Variants in SLC8A1 observed in about 807,000 individuals in gnomAD.
SLC8A1 encodes the protein solute carrier family 8 member A1.
Under a neutral mutation model 68.3 loss-of-function variants are expected in SLC8A1, and 18 were observed. That is an observed-to-expected ratio of 0.26 (90% CI 0.18 to 0.39). The LOEUF is 0.39. Ranked by LOEUF, SLC8A1 falls within the 10% of genes least tolerant of loss-of-function variation. The pLI, the probability that SLC8A1 is intolerant of heterozygous loss-of-function variation, is 1.00. For synonymous variants in SLC8A1, 475 were observed against 415.5 expected (o/e 1.14, Z -1.74); for missense variants, 985 against 1,156.7 (o/e 0.85, Z 2.15).
chr2:40,134,329 T>C (rs1029371689), intron 7 of SLC8A1, among the ~76,000 whole-genome samples: 4 of 152,056 alleles, frequency 2.6e-5, no homozygotes, highest in African/African-American at 9.7e-5. Context: ...TGACCTCAAG[T>C]GATCTGCCTG....
chr2:40,390,195 G>T (rs1396408469), intron 2 of SLC8A1, among the ~76,000 whole-genome samples: 1 of 152,094 alleles, frequency 6.6e-6, no homozygotes, highest in Admixed American at 6.6e-5. Context: ...GAAGCTTTTA[G>T]AAGTGACAGA....
chr2:40,365,452 A>G (rs573869000), intron 2 of SLC8A1, among the ~76,000 whole-genome samples: 4 of 152,260 alleles, frequency 2.6e-5, no homozygotes, highest in Admixed American at 2.6e-4. Context: ...ACAGAGAAAT[A>G]ATTAACTGCC....
intron 2 of SLC8A1, among the ~76,000 whole-genome samples, chr2:40,247,543 T>C (rs451158): frequency 0.17 from 26,171 of 151,988 alleles, 3,032 homozygotes; most frequent in African/African-American, 0.32. Context: ...CCAGATGGTG[T>C]TACAAAAATG....
chr2:40,184,087 G>C (rs1487958843), intron 2 of SLC8A1, among the ~76,000 whole-genome samples: 1 of 152,060 alleles, frequency 6.6e-6, no homozygotes, highest in Non-Finnish European at 1.5e-5. Context: ...GAGGTGGGAG[G>C]ATGGCTTGAG....
chr2:40,492,392 T>G (rs1260748791), intron 1 of SLC8A1, among the ~76,000 whole-genome samples: 4 of 152,070 alleles, frequency 2.6e-5, no homozygotes, highest in African/African-American at 4.8e-5. Flanking sequence ...ATAAAAACCC[T>G]AGAAGAAAAC....
At chr2:40,167,934 C>T (rs898273597) in intron 4 of SLC8A1, among the ~76,000 whole-genome samples, 4 of 152,088 alleles carry the variant, frequency 2.6e-5, no homozygotes, top group Non-Finnish European at 5.9e-5. Context: ...TTGAACCATC[C>T]TTGTATCCTC....
intron 1 of SLC8A1, among the ~76,000 whole-genome samples, chr2:40,505,885 CT>C (rs1706336738): frequency 6.6e-6 from 1 of 151,910 alleles, no homozygotes; most frequent in Non-Finnish European, 1.5e-5. Context: ...AATTAATTCC[CT>C]TAGATAAATG....
chr2:40,269,078 A>T (rs1284251291), intron 2 of SLC8A1, among the ~76,000 whole-genome samples: 1 of 152,168 alleles, frequency 6.6e-6, no homozygotes, highest in Non-Finnish European at 1.5e-5. Flanking sequence ...GACCTGAGAG[A>T]GTCAGATAAT....
chr2:40,224,248 C>T (rs1320721603), intron 2 of SLC8A1, among the ~76,000 whole-genome samples: 1 of 152,006 alleles, frequency 6.6e-6, no homozygotes, highest in East Asian at 1.9e-4. Flanking sequence ...GGTTGGCATC[C>T]TGGGGAGGTC....
chr2:40,177,728 G>C lies in SLC8A1; in HGVS notation c.1912+24C>G, dbSNP rs150380165. 1.7e-5 allele frequency: 23 copies of C among 1,386,198 alleles called. No homozygotes were observed. In the East Asian group the frequency reaches 4.0e-4, roughly 24 times the overall value. 85.9% of individuals were successfully genotyped at this position (1,386,198 alleles called of 1,614,324 possible). On this transcript the variant is annotated intron_variant, in intron 3 of 7. Transcript: ENST00000406785. ...GAGAGAAGAGTACAATTTCTCGCTG[G>C]TATGTCTTTGTTTACTCTCACACCT...
At chr2:40,370,085 G>C (rs957100565) in intron 2 of SLC8A1, among the ~76,000 whole-genome samples, 3 of 152,074 alleles carry the variant, frequency 2.0e-5, no homozygotes, top group Non-Finnish European at 2.9e-5. Context: ...CATTTTAATA[G>C]CTTCACATGT....
At chr2:40,493,717 C>T (rs1424232884) in intron 1 of SLC8A1, among the ~76,000 whole-genome samples, 10 of 148,664 alleles carry the variant, frequency 6.7e-5, no homozygotes, top group Non-Finnish European at 1.2e-4. Flanking sequence ...TGCAGTGGCA[C>T]GATCTCAACT....
chr2:40,421,363 T>G (rs778197430), intron 2 of SLC8A1, among the ~76,000 whole-genome samples: 7 of 152,142 alleles, frequency 4.6e-5, no homozygotes, highest in Non-Finnish European at 8.8e-5. Context: ...TTTCCAAGTT[T>G]AGCGATCCTC....
intron 2 of SLC8A1, among the ~76,000 whole-genome samples, chr2:40,399,065 T>C (rs1687880357): frequency 2.6e-5 from 4 of 152,214 alleles, no homozygotes; most frequent in Admixed American, 2.6e-4. Context: ...CAGAGATTCA[T>C]CAGTCAGGAG....
At chr2:40,348,037 A>C (rs543954295) in intron 2 of SLC8A1, among the ~76,000 whole-genome samples, 1 of 152,296 alleles carries the variant, frequency 6.6e-6, no homozygotes, top group Non-Finnish European at 1.5e-5. Flanking sequence ...TTATTTACTG[A>C]AGGAAGGAGG....
At chr2:40,432,432 A>G (rs78566485) in intron 1 of SLC8A1, among the ~76,000 whole-genome samples, 1 of 57,784 alleles carries the variant, frequency 1.7e-5, no homozygotes, top group Non-Finnish European at 3.6e-5. Flanking sequence ...TGTATGTGTC[A>G]GTGTGTATAC....
intron 2 of SLC8A1, among the ~76,000 whole-genome samples, chr2:40,350,746 C>T (rs1038584372): frequency 6.6e-6 from 1 of 151,910 alleles, no homozygotes; most frequent in Non-Finnish European, 1.5e-5. Context: ...ACAAAAACTG[C>T]CTGGCACGTC....
At chr2:40,233,073 C>T (rs944765913) in intron 2 of SLC8A1, among the ~76,000 whole-genome samples, 3 of 152,064 alleles carry the variant, frequency 2.0e-5, no homozygotes, top group African/African-American at 7.2e-5. Flanking sequence ...GTGCATGTGT[C>T]TTTATAGCAG....
chr2:40,405,263 T>C (rs935819727), intron 2 of SLC8A1, among the ~76,000 whole-genome samples: 1 of 152,188 alleles, frequency 6.6e-6, no homozygotes, highest in Non-Finnish European at 1.5e-5. Context: ...AGGGCAAGAA[T>C]AGTGGCTTAG....
Sources: allele counts gnomAD v4.1 joint callset (sites outside exome capture counted in the v4.1 genomes callset), GRCh38; gene constraint gnomAD v4.1.1; transcripts MANE v1.5; gene names NCBI Gene and HGNC (gene_info 2026-07-23, HGNC 2026-07-21).